Variants in MYO19 observed in about 807,000 individuals in gnomAD.
The protein encoded by MYO19 is myosin XIX.
MYO19 carries 132 observed loss-of-function variants against 129.2 expected under a neutral mutation model. That is an observed-to-expected ratio of 1.02 (90% CI 0.89 to 1.18). MYO19 has a LOEUF of 1.18. Among genes scored for constraint, MYO19 ranks in the 50% most tolerant of loss-of-function variants. The pLI, the probability that MYO19 is intolerant of heterozygous loss-of-function variation, is 0.00. For synonymous variants in MYO19, 531 were observed against 477.2 expected (o/e 1.11, Z -1.47); for missense variants, 1,210 against 1,216.7 (o/e 0.99, Z 0.08).
chr17:36,515,297 C>A, intron 7 of MYO19, 115 bp from the exon 8 acceptor site: 1 of 859,020 alleles, frequency 1.2e-6, no homozygotes, highest in Non-Finnish European at 1.8e-6. Flanking sequence ...CCTAAAGGCC[C>A]CTTTGTTGGT....
chr17:36,525,194 G>A (rs769253519), intron 6 of MYO19, 34 bp downstream of exon 6: 73 of 1,502,748 alleles, frequency 4.9e-5, no homozygotes, highest in African/African-American at 8.2e-5. Context: ...CCAGCCAGTC[G>A]TGAGTTGACA....
In MYO19 at chr17:36,504,023, G is replaced by C. The variant is rs781082597; in HGVS notation, c.1906-3C>G. 8.3e-6 allele frequency: 13 copies of C among 1,565,820 alleles called. No individual in the cohort carries two copies. Among genetic ancestry groups the C allele is most frequent in the Middle Eastern group, 1.7e-4 (1 of 6,020 alleles). On this transcript the variant is annotated splice_region_variant and splice_polypyrimidine_tract_variant and intron_variant, in intron 19 of 25. Transcript: ENST00000614623. The stretch of plus-strand genomic sequence containing the variant: ...CAGGCCTCCAGCTGGCTCAGGACCT[G>C]CAAGGGTGGGGAGACAGGGCAGGCA...
intron 6 of MYO19, among the ~76,000 whole-genome samples, chr17:36,522,857 T>C (rs1213161186): frequency 6.6e-6 from 1 of 151,832 alleles, no homozygotes; most frequent in Admixed American, 6.6e-5. Flanking sequence ...ATACAAAAAA[T>C]TAGCCAGGCG....
chr17:36,507,981 G>C, intron 14 of MYO19, 57 bp from the exon 15 acceptor site: 8 of 1,511,946 alleles, frequency 5.3e-6, no homozygotes, highest in Non-Finnish European at 7.1e-6. Context: ...GGGGAATAGG[G>C]GACCAAGGAA....
chr17:36,503,325 G>A lies in MYO19; in HGVS notation c.1977-125C>T, dbSNP rs920931149. ...AACACAGCACGGTGCTGCCCTCCCC[G>A]AGTATCCCCACTGAATGTGAATGTG... On this transcript the variant is annotated intron_variant, in intron 20 of 25. Coordinates refer to ENST00000614623, the MANE Select transcript of MYO19 (RefSeq NM_001163735.2). 38 of 760,696 alleles carry A rather than the reference G, an allele frequency of 5.0e-5. No homozygotes were observed. In the African/African-American group the frequency reaches 6.4e-4, roughly 13 times the overall value. The allele number at this position is 760,696 out of a possible 1,614,324, so 47.1% of individuals were successfully genotyped here.
At chr17:36,511,249 G>T in intron 12 of MYO19, 116 bp downstream of exon 12, 5 of 1,097,908 alleles carry the variant, frequency 4.6e-6, no homozygotes, top group Non-Finnish European at 5.4e-6. Context: ...CCTATGGTGG[G>T]TGGCATAAGC....
At chr17:36,540,021 G>A (rs927118906) in intron 2 of MYO19, among the ~76,000 whole-genome samples, 2 of 151,922 alleles carry the variant, frequency 1.3e-5, no homozygotes, top group Non-Finnish European at 2.9e-5. Flanking sequence ...GTCCTACGTT[G>A]GGAGGGCACC....
In MYO19 at chr17:36,506,902, C is replaced by T. The variant is rs113179648; in HGVS notation, c.1644+61G>A. On this transcript the variant is annotated intron_variant, in intron 17 of 25. Coordinates refer to ENST00000614623, the MANE Select transcript of MYO19 (RefSeq NM_001163735.2). ...TCACGATGGGAAACTACTATGTCTG[C>T]ATAGCAAAGACCCAGCATCTCGTTT... 5.5e-6 allele frequency: 8 copies of T among 1,461,830 alleles called. No individual in the cohort carries two copies. The African/African-American group carries it at 9.9e-5, about 18-fold the overall frequency. 90.6% of individuals were successfully genotyped at this position (1,461,830 alleles called of 1,614,324 possible).
intron 8 of MYO19, 78 bp from the exon 9 acceptor site, chr17:36,514,626 T>C (rs1269735972): frequency 9.3e-6 from 9 of 969,636 alleles, no homozygotes; most frequent in South Asian, 7.0e-5. Flanking sequence ...GTGTGCCAGA[T>C]TGCCTGCTAC....
chr17:36,528,592 T>A (rs2142399760), intron 3 of MYO19, among the ~76,000 whole-genome samples: 1 of 151,968 alleles, frequency 6.6e-6, no homozygotes, highest in Admixed American at 6.5e-5. Context: ...GGTGGGAACC[T>A]GTATAGTAGA....
intron 13 of MYO19, among the ~76,000 whole-genome samples, chr17:36,510,110 A>G (rs1040915580): frequency 6.6e-6 from 1 of 152,224 alleles, no homozygotes; most frequent in African/African-American, 2.4e-5. Context: ...ATGCACACAC[A>G]TACACTCATT....
At chr17:36,501,290 G>T (rs1395172321) in intron 21 of MYO19, 55 bp from the exon 22 acceptor site, 14 of 1,546,806 alleles carry the variant, frequency 9.1e-6, no homozygotes, top group Non-Finnish European at 1.1e-5. Context: ...TGCCTCTGTG[G>T]CCTGAAGAAA....
intron 17 of MYO19, 35 bp from the exon 18 acceptor site, chr17:36,506,643 G>A (rs2071911261): frequency 6.6e-7 from 1 of 1,512,834 alleles, no homozygotes; most frequent in Non-Finnish European, 8.8e-7. Context: ...AGTGAGGGCA[G>A]GTGGAGCTTC....
chr17:36,512,196 AACACACACACACACACACAC>A (rs57765074), intron 11 of MYO19, among the ~76,000 whole-genome samples: 20 of 138,134 alleles, frequency 1.4e-4, no homozygotes, highest in Non-Finnish European at 2.6e-4. Context: ...ACTAAAAATA[AACACACACACACACACACAC>A]ACACACACAC....
rs1218853875 is a variant in MYO19 at position 36,527,643 on chromosome 17, A to C, written c.208T>G (p.Cys70Gly). Residue 70 changes from cysteine (C) to glycine (G), a missense_variant, in exon 5 of 26, where the codon TGC becomes GGC. Coordinates refer to ENST00000614623, the MANE Select transcript of MYO19 (RefSeq NM_001163735.2). The part of the protein sequence containing the change: ...MADTFYTNAG[C>G]TLVALNPFKP... ...AAGGGGTTCAAGGCTACCAGGGTGC[A>C]GCCAGCATTGGTGTAGAATGTGTCT... The C allele has an allele frequency of 6.2e-7, 1 of 1,614,006 alleles. No homozygotes were observed. The highest frequency in any genetic ancestry group is 1.1e-5 in the South Asian group (1 of 91,076).
At chr17:36,501,016 G>A in intron 22 of MYO19, 53 bp downstream of exon 22, 3 of 1,603,738 alleles carry the variant, frequency 1.9e-6, no homozygotes, top group Non-Finnish European at 2.6e-6. Context: ...CCCTCCTGCT[G>A]AGGAGAGCAC....
At chr17:36,539,282 T>G (rs1050549121), upstream of MYO19, 1 of 167,108 alleles carries the variant, frequency 6.0e-6, no homozygotes, top group Admixed American at 6.5e-5. Flanking sequence ...ATGAAATGTT[T>G]ATGTTGACAT....
At chr17:36,538,273 G>A (rs753063413), upstream of MYO19, 18 of 1,613,286 alleles carry the variant, frequency 1.1e-5, no homozygotes, top group Non-Finnish European at 1.4e-5. Flanking sequence ...TTATTACTGG[G>A]TGATATAATT....
intron 6 of MYO19, among the ~76,000 whole-genome samples, chr17:36,520,762 A>T (rs1370637493): frequency 6.6e-6 from 1 of 152,246 alleles, no homozygotes; most frequent in Non-Finnish European, 1.5e-5. Flanking sequence ...AATACAGTAT[A>T]TAAGACATAT....
Sources: gnomAD v4.1 joint callset for allele counts (sites outside exome capture counted in the v4.1 genomes callset) on GRCh38, gnomAD v4.1.1 for gene constraint, MANE v1.5 for transcripts, NCBI Gene and HGNC (gene_info 2026-07-23, HGNC 2026-07-21) for gene names.